CSMD1: variants seen among roughly 807,000 people sequenced by gnomAD.
CSMD1 encodes the protein CUB and sushi domain-containing protein 1.
In CSMD1, 213 loss-of-function variants were observed where a neutral mutation model predicts 417.5. The observed-to-expected ratio is 0.51, with a 90% confidence interval of 0.46 to 0.57. The LOEUF (loss-of-function observed/expected upper bound fraction) is 0.57, where lower values mean the gene tolerates loss of function less well. CSMD1 is among the 20% of genes least tolerant of loss of function. CSMD1 has a pLI of 0.00. For synonymous variants in CSMD1, 2,862 were observed against 1,736.8 expected (o/e 1.65, Z -16.11); for missense variants, 6,923 against 4,529.7 (o/e 1.53, Z -15.17).
chr8:4,780,349 G>C (rs1280107360), intron 1 of CSMD1, among the ~76,000 whole-genome samples: 4 of 152,104 alleles, frequency 2.6e-5, no homozygotes, highest in Non-Finnish European at 4.4e-5. Context: ...AACTAATTAG[G>C]ACATTAAGCA....
intron 41 of CSMD1, among the ~76,000 whole-genome samples, chr8:3,138,942 G>C (rs909207052): frequency 2.6e-5 from 4 of 152,202 alleles, no homozygotes; most frequent in African/African-American, 9.6e-5. Context: ...AGTAAATCTG[G>C]AAAGACATTT....
chr8:4,255,108 C>G (rs1227074358), intron 3 of CSMD1, among the ~76,000 whole-genome samples: 2 of 151,762 alleles, frequency 1.3e-5, no homozygotes, highest in Non-Finnish European at 2.9e-5. Context: ...GGTCTCTCTA[C>G]TTCTTCCTTT....
chr8:4,283,125 T>C (rs1796880432), intron 3 of CSMD1, among the ~76,000 whole-genome samples: 1 of 152,210 alleles, frequency 6.6e-6, no homozygotes, highest in East Asian at 1.9e-4. Flanking sequence ...CCAGTAATCA[T>C]GGATAAAAAC....
At chr8:3,949,771 A>T (rs1811484395) in intron 5 of CSMD1, among the ~76,000 whole-genome samples, 1 of 152,172 alleles carries the variant, frequency 6.6e-6, no homozygotes, top group Non-Finnish European at 1.5e-5. Flanking sequence ...CGCACAAGAC[A>T]GCCACAAGCA....
At chr8:4,385,655 C>T (rs1451738458) in intron 3 of CSMD1, among the ~76,000 whole-genome samples, 1 of 152,050 alleles carries the variant, frequency 6.6e-6, no homozygotes, top group Non-Finnish European at 1.5e-5. Flanking sequence ...TTGGCATCAT[C>T]CTGTAGGCAT....
chr8:4,603,907 GA>G (rs1800729209), intron 2 of CSMD1, among the ~76,000 whole-genome samples: 1 of 151,758 alleles, frequency 6.6e-6, no homozygotes, highest in African/African-American at 2.4e-5. Flanking sequence ...TACTCTGGGG[GA>G]TTTGGGATAT....
Position 3,763,304 on chromosome 8 carries a change from C to T in CSMD1, c.819-9262G>A, listed in dbSNP as rs148838268. On this transcript the variant is annotated intron_variant, in intron 5 of 69. Transcript: ENST00000635120. Reference sequence around the variant, plus strand: ...AAATCTCATGTTGACATATGATTGCCGGTATTGGAGGTGGGGCCCTGTGGG... The same window carrying T: ...AAATCTCATGTTGACATATGATTGCTGGTATTGGAGGTGGGGCCCTGTGGG... Among the ~76,000 whole-genome samples the T allele has an allele frequency of 3.8e-3, 572 of 152,180 alleles. 3 individuals are homozygous for T. Among genetic ancestry groups the T allele is most frequent in the Middle Eastern group, 0.024 (7 of 294 alleles).
chr8:3,807,845 T>A (rs1290998059), intron 5 of CSMD1, among the ~76,000 whole-genome samples: 1 of 152,194 alleles, frequency 6.6e-6, no homozygotes, highest in East Asian at 1.9e-4. Context: ...ACAAATGGAA[T>A]GACTGTGCTC....
rs1163502372 is a variant in CSMD1 at position 3,765,729 on chromosome 8, G to T, written c.819-11687C>A. 5.3e-5 allele frequency among the ~76,000 whole-genome samples: 8 copies of T among 152,174 alleles called. No individual in the cohort carries two copies. In the East Asian group the frequency reaches 1.5e-3, roughly 29 times the overall value. On this transcript the variant is annotated intron_variant, in intron 5 of 69. Transcript: ENST00000635120. ...CATCAGCACTGCAGCCTTGCAGGTG[G>T]GGGCGCCCAGGGGGTGAGATCTGGC...
chr8:3,789,409 T>C (rs1159577992), intron 5 of CSMD1, among the ~76,000 whole-genome samples: 2 of 1,258 alleles, frequency 1.6e-3, no homozygotes, highest in Non-Finnish European at 3.2e-3. Flanking sequence ...TTTAAGTAAG[T>C]TTTTTTTTTT....
intron 50 of CSMD1, among the ~76,000 whole-genome samples, chr8:3,047,585 G>A (rs1234326239): frequency 1.3e-5 from 2 of 152,192 alleles, no homozygotes; most frequent in Non-Finnish European, 2.9e-5. Context: ...CTCACATGCT[G>A]TCCTGATGGA....
At position 3,885,157 on chromosome 8, in the gene CSMD1, G is replaced by A. The variant is rs554421997; in HGVS notation, c.818+112746C>T. ...ATTAACAAGATCCCATCTCGTGACT[G>A]TATCAGCGTTGAGTTTATTAAGAGA... On this transcript the variant is annotated intron_variant, in intron 5 of 69. Transcript: ENST00000635120. Among the ~76,000 whole-genome samples the A allele has an allele frequency of 2.0e-5, 3 of 152,160 alleles. No individual in the cohort carries two copies. In the East Asian group the frequency reaches 5.8e-4, roughly 29 times the overall value.
At chr8:3,509,356 T>G (rs771205520) in intron 10 of CSMD1, among the ~76,000 whole-genome samples, 3 of 152,212 alleles carry the variant, frequency 2.0e-5, no homozygotes, top group Non-Finnish European at 4.4e-5. Context: ...TTTAGCCAAG[T>G]CAACTTTGTC....
intron 1 of CSMD1, among the ~76,000 whole-genome samples, chr8:4,745,152 TTTATC>T (rs776864361): frequency 2.3e-4 from 35 of 152,186 alleles, no homozygotes; most frequent in Non-Finnish European, 4.3e-4. Flanking sequence ...TAAAATTAGA[TTTATC>T]TTATGTAGGT....
At chr8:3,000,821 G>C (rs1459075891) in intron 52 of CSMD1, among the ~76,000 whole-genome samples, 1 of 152,184 alleles carries the variant, frequency 6.6e-6, no homozygotes, top group African/African-American at 2.4e-5. Context: ...GAAAGAACAG[G>C]AAGGAGCGCG....
At chr8:4,319,538 G>A (rs762413065) in intron 3 of CSMD1, among the ~76,000 whole-genome samples, 1 of 151,986 alleles carries the variant, frequency 6.6e-6, no homozygotes, top group African/African-American at 2.4e-5. Context: ...AACAAACAAA[G>A]TCACAGAAAT....
At chr8:3,739,254 G>C (rs1030379789) in intron 6 of CSMD1, among the ~76,000 whole-genome samples, 2 of 152,138 alleles carry the variant, frequency 1.3e-5, no homozygotes, top group Admixed American at 6.5e-5. Flanking sequence ...CTCATCCTTT[G>C]AAACTTCTGA....
At position 3,893,275 on chromosome 8, in the gene CSMD1, A is replaced by T. The variant is rs145614641; in HGVS notation, c.818+104628T>A. Reference sequence around the variant, plus strand: ...TTGTAATATTTTAGCCTATAAAACAAGTAATTTGTGATTTCTTATTGTAAA... The same window carrying T: ...TTGTAATATTTTAGCCTATAAAACATGTAATTTGTGATTTCTTATTGTAAA... On this transcript the variant is annotated intron_variant, in intron 5 of 69. Transcript: ENST00000635120. Among the ~76,000 whole-genome samples the T allele has an allele frequency of 3.6e-3, 530 of 147,492 alleles. 5 individuals carry two copies. Among genetic ancestry groups the T allele is most frequent in the African/African-American group, 7.6e-3 (310 of 40,620 alleles).
At chr8:4,911,207 G>C (rs1392773385) in intron 1 of CSMD1, among the ~76,000 whole-genome samples, 1 of 152,158 alleles carries the variant, frequency 6.6e-6, no homozygotes, top group Admixed American at 6.5e-5. Flanking sequence ...AAAGATTTTG[G>C]CTTTTCCTCA....
Sources: gnomAD v4.1 joint callset for allele counts (sites outside exome capture counted in the v4.1 genomes callset) on GRCh38, gnomAD v4.1.1 for gene constraint, MANE v1.5 for transcripts, NCBI Gene and HGNC (gene_info 2026-07-23, HGNC 2026-07-21) for gene names.